The following CACNB2 variants were observed in gnomAD, a reference collection of about 807,000 sequenced individuals.
CACNB2 encodes voltage-dependent L-type calcium channel subunit beta-2.
CACNB2 carries 42 observed loss-of-function variants against 73.3 expected under a neutral mutation model. The observed-to-expected ratio is 0.57, with a 90% CI of 0.45 to 0.74. CACNB2 has a LOEUF of 0.74. Among genes scored for constraint, CACNB2 ranks in the 30% least tolerant of loss-of-function variants. The probability of loss-of-function intolerance (pLI) is 0.00; values close to 1 mark genes in which losing one functional copy is unlikely to be tolerated. For missense variants in CACNB2, 940 were observed against 853.0 expected (o/e 1.10, Z -1.27); for synonymous variants, 348 against 310.3 (o/e 1.12, Z -1.28).
At chr10:18,151,048 C>CT in intron 2 of CACNB2, 73 bp downstream of exon 2, 1 of 951,466 alleles carries the variant, frequency 1.1e-6, no homozygotes, top group Non-Finnish European at 1.7e-6. Context: ...GGGTTTCACT[C>CT]TTTTCCTTAA....
At chr10:18,424,081 A>G (rs1324899293) in intron 3 of CACNB2, among the ~76,000 whole-genome samples, 1 of 152,186 alleles carries the variant, frequency 6.6e-6, no homozygotes, top group African/African-American at 2.4e-5. Context: ...TTACAGATAC[A>G]GAGTGTCACT....
chr10:18,369,928 A>T (rs1288592782), intron 2 of CACNB2, among the ~76,000 whole-genome samples: 1 of 152,170 alleles, frequency 6.6e-6, no homozygotes. Context: ...ATAAAAAGGG[A>T]CAAGATATAT....
chr10:18,336,332 T>C (rs1042661028), intron 2 of CACNB2, among the ~76,000 whole-genome samples: 2 of 152,116 alleles, frequency 1.3e-5, no homozygotes, highest in African/African-American at 2.4e-5. Context: ...AATGACGACT[T>C]AGGGTGGGCC....
intron 2 of CACNB2, among the ~76,000 whole-genome samples, chr10:18,165,491 T>A (rs2032788132): frequency 6.6e-6 from 1 of 152,230 alleles, no homozygotes; most frequent in Non-Finnish European, 1.5e-5. Context: ...CGGCTCCCTG[T>A]GACCTCCGCC....
intron 2 of CACNB2, among the ~76,000 whole-genome samples, chr10:18,293,168 T>C (rs1208808343): frequency 6.6e-6 from 1 of 152,178 alleles, no homozygotes; most frequent in East Asian, 1.9e-4. Flanking sequence ...GAAACACAAC[T>C]CTCAAAATTA....
intron 2 of CACNB2, among the ~76,000 whole-genome samples, chr10:18,283,120 G>C (rs916426074): frequency 2.0e-5 from 3 of 152,152 alleles, no homozygotes; most frequent in Admixed American, 6.5e-5. Context: ...ACCACAATGA[G>C]ATACTATCTC....
intron 9 of CACNB2, among the ~76,000 whole-genome samples, chr10:18,523,666 T>C (rs976981979): frequency 2.0e-5 from 3 of 152,172 alleles, no homozygotes; most frequent in African/African-American, 7.2e-5. Flanking sequence ...TTTTTACCCA[T>C]GGCAAGACAT....
chr10:18,374,593 A>G (rs1180587862), intron 2 of CACNB2, among the ~76,000 whole-genome samples: 1 of 152,204 alleles, frequency 6.6e-6, no homozygotes, highest in Non-Finnish European at 1.5e-5. Flanking sequence ...TTTAAAAGAA[A>G]TTAGTCAAGG....
intron 10 of CACNB2, among the ~76,000 whole-genome samples, chr10:18,529,851 C>T (rs536865897): frequency 2.9e-4 from 44 of 152,096 alleles, no homozygotes; most frequent in Non-Finnish European, 5.0e-4. Context: ...CATCATTTGA[C>T]GCTCACAAGA....
At chr10:18,413,094 C>T (rs1397447894) in intron 3 of CACNB2, among the ~76,000 whole-genome samples, 1 of 152,198 alleles carries the variant, frequency 6.6e-6, no homozygotes, top group Non-Finnish European at 1.5e-5. Context: ...CCTCAGCCTT[C>T]CAAGTAGCTG....
intron 2 of CACNB2, chr10:18,260,502 C>A: frequency 4.1e-5 from 40 of 985,448 alleles, no homozygotes; most frequent in Non-Finnish European, 4.8e-5. Context: ...GTCCTGAGGC[C>A]ACTCTGGCGA....
At chr10:18,233,966 C>G (rs1469321118) in intron 2 of CACNB2, among the ~76,000 whole-genome samples, 2 of 152,206 alleles carry the variant, frequency 1.3e-5, no homozygotes, top group African/African-American at 4.8e-5. Flanking sequence ...GCGTCCCCTA[C>G]TGTTGCAAAC....
chr10:18,165,186 G>C (rs1390149052), intron 2 of CACNB2, among the ~76,000 whole-genome samples: 1 of 152,162 alleles, frequency 6.6e-6, no homozygotes, highest in Admixed American at 6.5e-5. Flanking sequence ...ATTTGAGCTG[G>C]ATATTGAAGA....
intron 3 of CACNB2, among the ~76,000 whole-genome samples, chr10:18,496,567 C>G (rs1564617841): frequency 6.6e-6 from 1 of 152,044 alleles, no homozygotes; most frequent in Non-Finnish European, 1.5e-5. Flanking sequence ...AATCCCAGCA[C>G]TTTGGGAGGC....
intron 2 of CACNB2, among the ~76,000 whole-genome samples, chr10:18,288,204 C>T (rs2131743207): frequency 6.6e-6 from 1 of 152,328 alleles, no homozygotes; most frequent in African/African-American, 2.4e-5. Flanking sequence ...AGAATTTCAA[C>T]ACAGCTTTTT....
intron 3 of CACNB2, among the ~76,000 whole-genome samples, chr10:18,405,000 A>T (rs79448708): frequency 3.3e-5 from 5 of 152,220 alleles, no homozygotes; most frequent in Admixed American, 1.3e-4. Context: ...TTGTACAGTT[A>T]TGGCATACTT....
intron 3 of CACNB2, among the ~76,000 whole-genome samples, chr10:18,404,109 A>T (rs534885651): frequency 6.6e-6 from 1 of 152,152 alleles, no homozygotes; most frequent in Non-Finnish European, 1.5e-5. Flanking sequence ...ATACACATCT[A>T]TGTACCCATA....
chr10:18,500,653 T>C (rs1401099660), intron 4 of CACNB2, among the ~76,000 whole-genome samples, 159 bp from the exon 5 acceptor site: 1 of 152,204 alleles, frequency 6.6e-6, no homozygotes, highest in Non-Finnish European at 1.5e-5. Flanking sequence ...AATGCATTTC[T>C]TACATGTGAA....
intron 2 of CACNB2, among the ~76,000 whole-genome samples, chr10:18,348,592 C>A (rs1434379229): frequency 6.6e-6 from 1 of 152,136 alleles, no homozygotes; most frequent in Non-Finnish European, 1.5e-5. Context: ...CGGCTCACTG[C>A]AACCTCCACC....
Sources: gnomAD v4.1 joint callset for allele counts (sites outside exome capture counted in the v4.1 genomes callset) on GRCh38, gnomAD v4.1.1 for gene constraint, MANE v1.5 for transcripts, NCBI Gene and HGNC (gene_info 2026-07-23, HGNC 2026-07-21) for gene names.